The following SCLY variants were observed in gnomAD, a reference collection of about 807,000 sequenced individuals.
The protein encoded by SCLY is putative selenocysteine lyase.
Under a neutral mutation model 50.1 loss-of-function variants are expected in SCLY, and 38 were observed. That is an observed-to-expected ratio of 0.76 (90% CI 0.59 to 0.99). The LOEUF (loss-of-function observed/expected upper bound fraction) is 0.99. SCLY is among the 50% of genes least tolerant of loss of function. SCLY has a pLI of 0.00. For synonymous variants in SCLY, 243 were observed against 249.4 expected (o/e 0.97, Z 0.24); for missense variants, 600 against 620.0 (o/e 0.97, Z 0.34).
Position 238,098,421 on chromosome 2 carries a change from A to G in SCLY, c.*66A>G. 14 of 1,479,844 alleles carry G rather than the reference A, an allele frequency of 9.5e-6. No homozygotes were observed. Among genetic ancestry groups the G allele is most frequent in the Non-Finnish European group, 1.2e-5 (13 of 1,107,656 alleles). The allele number at this position is 1,479,844 out of a possible 1,614,324, so 91.7% of individuals were successfully genotyped here. On this transcript the variant is annotated 3_prime_UTR_variant, in exon 12 of 12. Transcript: ENST00000254663. ...TGGCAGGGCACAGGGTTGTCCCTCC[A>G]GTTCCCTCCTGAGGGCTGTGCCAGG...
intron 4 of SCLY, among the ~76,000 whole-genome samples, chr2:238,071,542 G>T (rs554640953): frequency 1.3e-5 from 2 of 152,318 alleles, no homozygotes; most frequent in African/African-American, 4.8e-5. Flanking sequence ...ACCTGAGAGG[G>T]AGAGGTTGCA....
Position 238,081,750 on chromosome 2 carries a change from G to C in SCLY, c.526G>C (p.Glu176Gln), listed in dbSNP as rs1272618204. 2 of 1,614,208 alleles carry C rather than the reference G, an allele frequency of 1.2e-6. No homozygotes were observed. The highest frequency in any genetic ancestry group is 1.1e-5 in the South Asian group (1 of 91,086). The change falls in exon 5 of 12, where the codon GAG becomes CAG. Residue 176 changes from glutamate (E) to glutamine (Q), a missense_variant. Transcript: ENST00000254663. ...GGTGTCCAAGGTGAGCGGGCAGGCA[G>C]AGGTGGACGACATCCTCGCGGCAGT... Reference protein sequence around the residue: ...VPVSKVSGQAEVDDILAAVRP... With the variant: ...VPVSKVSGQAQVDDILAAVRP...
chr2:238,070,557 G>A (rs1158953664), intron 4 of SCLY, among the ~76,000 whole-genome samples: 1 of 152,108 alleles, frequency 6.6e-6, no homozygotes. Flanking sequence ...GTACGTGCCT[G>A]TAGTTCCAGC....
At chr2:238,068,326 G>T (rs1374456039) in intron 3 of SCLY, 161 bp downstream of exon 3, 2 of 535,556 alleles carry the variant, frequency 3.7e-6, no homozygotes, top group African/African-American at 4.0e-5. Context: ...AGGCAGGAGG[G>T]TTGGTTGAGC....
intron 7 of SCLY, among the ~76,000 whole-genome samples, chr2:238,090,398 C>G (rs2065349619): frequency 6.6e-6 from 1 of 152,200 alleles, no homozygotes; most frequent in African/African-American, 2.4e-5. Flanking sequence ...CACCTGTGAT[C>G]CCAGCACTTT....
At chr2:238,064,541 A>AC (rs1263674825) in intron 2 of SCLY, 72 bp downstream of exon 2, 5 of 939,102 alleles carry the variant, frequency 5.3e-6, no homozygotes, top group Non-Finnish European at 7.9e-6. Context: ...GAAATTGCAC[A>AC]CCCACACGTG....
intron 6 of SCLY, 37 bp downstream of exon 6, chr2:238,082,246 G>A: frequency 6.5e-7 from 1 of 1,543,848 alleles, no homozygotes; most frequent in African/African-American, 1.4e-5. Context: ...TGTGGGCAGA[G>A]CCTACTGCGC....
chr2:238,094,671 A>G (rs1390607153), intron 10 of SCLY, 149 bp downstream of exon 10: 2 of 665,208 alleles, frequency 3.0e-6, no homozygotes, highest in Admixed American at 5.6e-5. Flanking sequence ...TGCCAAGAGC[A>G]GGCTCGGGTG....
intron 6 of SCLY, among the ~76,000 whole-genome samples, chr2:238,082,540 G>C (rs570396532): frequency 6.6e-6 from 1 of 152,186 alleles, no homozygotes; most frequent in South Asian, 2.1e-4. Context: ...TCTCTGCAGC[G>C]GACAGGGCAT....
intron 4 of SCLY, among the ~76,000 whole-genome samples, chr2:238,072,125 C>T (rs2065133959): frequency 6.6e-6 from 1 of 152,172 alleles, no homozygotes; most frequent in Non-Finnish European, 1.5e-5. Flanking sequence ...ATTCTAGACT[C>T]CCCTATGAAT....
intron 1 of SCLY, among the ~76,000 whole-genome samples, chr2:238,061,564 T>G (rs1044408539): frequency 6.6e-6 from 1 of 152,102 alleles, no homozygotes; most frequent in Non-Finnish European, 1.5e-5. Context: ...GCAATTTAAG[T>G]GTTTTGAAGG....
intron 7 of SCLY, among the ~76,000 whole-genome samples, chr2:238,090,225 A>T (rs1474640818): frequency 6.6e-6 from 1 of 152,250 alleles, no homozygotes; most frequent in Admixed American, 6.5e-5. Context: ...GATATCACTA[A>T]CACCTATCAG....
chr2:238,095,445 C>T (rs2065420631), intron 10 of SCLY: 1 of 152,178 alleles, frequency 6.6e-6, no homozygotes, highest in African/African-American at 2.4e-5. Context: ...AAGTTTTTGA[C>T]TTCTTAGAAG....
chr2:238,069,429 G>A lies in SCLY; in HGVS notation c.436G>A (p.Asp146Asn), dbSNP rs373610798. The A allele has an allele frequency of 7.1e-5, 114 of 1,613,764 alleles. No individual in the cohort carries two copies. Among genetic ancestry groups the A allele is most frequent in the Middle Eastern group, 6.6e-4 (4 of 6,060 alleles). Residue 146 changes from aspartate (D) to asparagine (N), a missense_variant, in exon 4 of 12, where the codon GAC (aspartate) becomes AAC (asparagine). Transcript: ENST00000254663. This position sits in a 1 kb window ranked among gnomAD's most constrained non-coding sequence, Gnocchi z 5.0. ...PHFITSSVEH[D>N]SIRLPLEHLV... is the part of the protein sequence containing the mutation. ...TTTCATTACTTCCTCGGTGGAACAC[G>A]ACTCCATCCGGCTGCCCCTGGAGCA...
chr2:238,074,607 C>G (rs1369078004), intron 4 of SCLY, among the ~76,000 whole-genome samples: 1 of 152,158 alleles, frequency 6.6e-6, no homozygotes, highest in Non-Finnish European at 1.5e-5. Flanking sequence ...CCTCAGCCTC[C>G]CAAGTAGCTG....
intron 10 of SCLY, chr2:238,094,849 A>C (rs1385516169): frequency 6.5e-6 from 2 of 305,408 alleles, no homozygotes; most frequent in Non-Finnish European, 1.2e-5. Context: ...ACATTTGTCT[A>C]TTTTGTTGGC....
Position 238,093,961 on chromosome 2 carries a change from G to C in SCLY, c.1005+17G>C, listed in dbSNP as rs763419665. ...AGGCTGGAAGTGAGCGCAGCGTGGG[G>C]TGGGCACCAGGAGGGGGAGGGTGCG... On this transcript the variant is annotated intron_variant, in intron 9 of 11. Coordinates refer to ENST00000254663, the MANE Select transcript of SCLY (RefSeq NM_016510.7). 1.9e-6 allele frequency: 3 copies of C among 1,609,730 alleles called. No individual in the cohort carries two copies. The highest frequency in any genetic ancestry group is 2.5e-6 in the Non-Finnish European group (3 of 1,177,966).
chr2:238,078,538 C>T (rs955416040), intron 4 of SCLY: 3 of 151,936 alleles, frequency 2.0e-5, no homozygotes, highest in African/African-American at 7.3e-5. Context: ...ATAAACTTAC[C>T]AGTATATACT....
intron 4 of SCLY, among the ~76,000 whole-genome samples, chr2:238,074,636 AC>A (rs1010587629): frequency 5.9e-5 from 9 of 152,132 alleles, no homozygotes; most frequent in Non-Finnish European, 1.3e-4. Context: ...AGCATGTGCC[AC>A]CATGCCCGGC....
Sources: gnomAD v4.1 joint callset for allele counts (sites outside exome capture counted in the v4.1 genomes callset) on GRCh38, gnomAD v4.1.1 for gene constraint, Gnocchi (gnomAD v3.1) non-coding constraint, MANE v1.5 for transcripts, NCBI Gene and HGNC (gene_info 2026-07-23, HGNC 2026-07-21) for gene names.